KNDC1: variants seen among roughly 807,000 people sequenced by gnomAD.
The protein encoded by KNDC1 is kinase non-catalytic C-lobe domain containing 1.
In KNDC1, 106 loss-of-function variants were observed where a neutral mutation model predicts 172.8. That is an observed-to-expected ratio of 0.61 (90% CI 0.52 to 0.72). The LOEUF is 0.72. Ranked by LOEUF, KNDC1 falls within the 30% of genes least tolerant of loss-of-function variation. The pLI is 0.00. For synonymous variants in KNDC1, 1,083 were observed against 1,062.2 expected, an observed-to-expected ratio of 1.02 and a Z score of -0.38; for missense variants, 2,325 against 2,394.5, an observed-to-expected ratio of 0.97 and a Z score of 0.61.
chr10:133,167,341 G>T, intron 1 of KNDC1, 40 bp from the exon 2 acceptor site: 1 of 1,528,180 alleles, frequency 6.5e-7, no homozygotes. Flanking sequence ...GGCCTGGCTG[G>T]GGGTCCTGCC....
At position 133,189,667 on chromosome 10, in the gene KNDC1, A is replaced by G. The variant is rs1340288336; in HGVS notation, c.1511A>G (p.Asn504Ser). The part of the protein sequence containing the change: ...GAVLFQPPPA[N>S]GSYDSFFLAP... ...GTGCTCTTCCAGCCACCCCCTGCCA[A>G]CGGTGAGTGTGTGGGTTCCCCTCAG... Residue 504 changes from asparagine (N) to serine (S), a missense_variant and splice_region_variant, in exon 8 of 30, where the codon AAC (asparagine) becomes AGC (serine). Asn to Ser is a conservative substitution (Grantham distance 46). Transcript: ENST00000304613. The G allele has an allele frequency of 1.1e-5, 18 of 1,613,834 alleles. No homozygotes were observed. In the East Asian group the frequency reaches 3.6e-4, roughly 32 times the overall value.
chr10:133,165,934 C>T (rs1254949278), intron 1 of KNDC1, among the ~76,000 whole-genome samples: 2 of 152,206 alleles, frequency 1.3e-5, no homozygotes, highest in African/African-American at 4.8e-5. Flanking sequence ...CAAGCCCCTC[C>T]CTGGACCGCA....
At chr10:133,184,877 G>A (rs1167332409) in intron 5 of KNDC1, among the ~76,000 whole-genome samples, 2 of 152,268 alleles carry the variant, frequency 1.3e-5, no homozygotes, top group African/African-American at 4.8e-5. Flanking sequence ...TTTCACAACT[G>A]AATTTCACCT....
intron 5 of KNDC1, among the ~76,000 whole-genome samples, chr10:133,185,763 G>A (rs1398068641): frequency 6.8e-6 from 1 of 147,468 alleles, no homozygotes; most frequent in Non-Finnish European, 1.5e-5. Flanking sequence ...GACCTGATGA[G>A]TGGGGCAGGA....
rs764840318 is a variant in KNDC1 at position 133,200,451 on chromosome 10, C to T, written c.2980C>T (p.His994Tyr). The T allele has an allele frequency of 1.3e-6, 2 of 1,582,054 alleles. No individual in the cohort carries two copies. The highest frequency in any genetic ancestry group is 1.2e-5 in the South Asian group (1 of 86,560). Residue 994 changes from histidine (H) to tyrosine (Y), a missense_variant, in exon 16 of 30, where the codon CAC becomes TAC. Coordinates refer to ENST00000304613, the MANE Select transcript of KNDC1 (RefSeq NM_152643.8). The stretch of plus-strand genomic sequence containing the variant: ...CCCGTCCAGCAAGAGGCCGTCGCTG[C>T]ACCGCCTGGGTAAGTGCTGGGCGGG... ...RSPSSKRPSL[H>Y]RLGKEKPAMA...
chr10:133,194,825 T>C (rs1213294526), intron 9 of KNDC1, among the ~76,000 whole-genome samples: 1 of 152,226 alleles, frequency 6.6e-6, no homozygotes, highest in Non-Finnish European at 1.5e-5. Context: ...ACGTGGATGA[T>C]GTGATTAAAC....
chr10:133,188,709 A>T lies in KNDC1; in HGVS notation c.1441+56A>T, dbSNP rs1399096411. The T allele has an allele frequency of 6.8e-5, 36 of 529,330 alleles. No homozygotes were observed. The Admixed American group carries it at 1.3e-3, about 19-fold the overall frequency. 32.8% of individuals were successfully genotyped at this position (529,330 alleles called of 1,614,324 possible). On this transcript the variant is annotated intron_variant, in intron 7 of 29. Transcript: ENST00000304613. ...CGTCCCCACCCCCCACTGCTGTTCC[A>T]CCCCCCACCGCCGTCCCACACCCCC...
chr10:133,211,800 A>C lies in KNDC1; in HGVS notation c.4178A>C (p.Asp1393Ala), dbSNP rs1431928817. The C allele has an allele frequency of 6.2e-7, 1 of 1,610,226 alleles. No individual in the cohort carries two copies. The highest frequency in any genetic ancestry group is 1.3e-5 in the African/African-American group (1 of 74,756). The change falls in exon 23 of 30, where the codon GAT becomes GCT. Residue 1393 changes from aspartate to alanine, a missense_variant. Asp to Ala is a moderately radical substitution (Grantham distance 126). Coordinates refer to ENST00000304613, the MANE Select transcript of KNDC1 (RefSeq NM_152643.8). ...DLENPREAEE[D>A]ARPFNALCKR... Reference sequence around the variant, plus strand: ...GAGAACCCCAGGGAGGCCGAGGAGGATGCCAGACCCTTCAACGCCCTCTGT... The same window carrying C: ...GAGAACCCCAGGGAGGCCGAGGAGGCTGCCAGACCCTTCAACGCCCTCTGT...
intron 10 of KNDC1, 67 bp downstream of exon 10, chr10:133,195,888 G>A (rs1342216048): frequency 7.1e-7 from 1 of 1,408,494 alleles, no homozygotes; most frequent in Non-Finnish European, 9.4e-7. Context: ...CGCCCTCGCT[G>A]AGCTGGGGGT....
Position 133,212,936 on chromosome 10 carries a change from G to A in KNDC1, c.4443+14G>A. ...CTGCTACAGCAGGTGAGGAGGGCGAGGATCTGCGCCCAGGTCACCTGCGAG... is the reference window on the plus strand; with the variant it reads ...CTGCTACAGCAGGTGAGGAGGGCGAAGATCTGCGCCCAGGTCACCTGCGAG... On this transcript the variant is annotated intron_variant, in intron 24 of 29. Coordinates refer to ENST00000304613, the MANE Select transcript of KNDC1 (RefSeq NM_152643.8). 4.4e-6 allele frequency: 7 copies of A among 1,603,160 alleles called. No individual in the cohort carries two copies. Among genetic ancestry groups the A allele is most frequent in the Non-Finnish European group, 6.0e-6 (7 of 1,172,448 alleles).
chr10:133,169,351 T>C (rs1194858612), intron 3 of KNDC1, among the ~76,000 whole-genome samples: 1 of 152,162 alleles, frequency 6.6e-6, no homozygotes, highest in Non-Finnish European at 1.5e-5. Flanking sequence ...TCCCAGCTAC[T>C]CGGGAGTCTG....
chr10:133,199,680 C>A, intron 15 of KNDC1, 78 bp downstream of exon 15: 1 of 1,491,512 alleles, frequency 6.7e-7, no homozygotes. Flanking sequence ...CTGACCCGGG[C>A]CCAGCCTTCC....
rs1314233654 is a variant in KNDC1 at position 133,197,675 on chromosome 10, G to T, written c.1813G>T (p.Val605Leu). 6.2e-7 allele frequency: 1 copy of T among 1,611,264 alleles called. No individual in the cohort carries two copies. The highest frequency in any genetic ancestry group is 2.2e-5 in the East Asian group (1 of 44,858). ...CCCAGGGCTGTCACCTCCTCCCCAG[G>T]TGTACCAGGAGGAAGAGACCATCAG... is the stretch of plus-strand genomic sequence containing the variant. Reference protein sequence around the residue: ...LAHLRASICQVYQEEETISLQ... With the variant: ...LAHLRASICQLYQEEETISLQ... Residue 605 changes from valine to leucine, a missense_variant and splice_region_variant, in exon 12 of 30, where the codon GTG becomes TTG. By Grantham distance (32) the Val-to-Leu change is conservative. Transcript: ENST00000304613.
chr10:133,183,836 T>C, intron 4 of KNDC1, 36 bp from the exon 5 acceptor site: 3 of 1,491,670 alleles, frequency 2.0e-6, no homozygotes, highest in Non-Finnish European at 1.8e-6. Flanking sequence ...TGGCCCCTCC[T>C]CCGAGCCTTC....
At position 133,167,511 on chromosome 10, in the gene KNDC1, T is replaced by G; in HGVS notation, c.233T>G (p.Leu78Arg). Residue 78 changes from leucine to arginine, a missense_variant, in exon 2 of 30, where the codon CTG becomes CGG. By Grantham distance (102) the Leu-to-Arg change is moderately radical. Coordinates refer to ENST00000304613, the MANE Select transcript of KNDC1 (RefSeq NM_152643.8). ...SVAHAAIFQS[L>R]CITPDTLAFN... ...GCCCACGCCGCCATCTTCCAGAGCC[T>G]GTGCATCACGCCCGACACCCTGGCC... is the stretch of plus-strand genomic sequence containing the variant. 6.2e-7 allele frequency: 1 copy of G among 1,605,542 alleles called. No individual in the cohort carries two copies.
Position 133,224,946 on chromosome 10 carries a change from C to A in KNDC1, c.*56C>A. On this transcript the variant is annotated 3_prime_UTR_variant, in exon 30 of 30. Coordinates refer to ENST00000304613, the MANE Select transcript of KNDC1 (RefSeq NM_152643.8). The surrounding 1 kb of genome is among the most constrained non-coding windows in gnomAD (Gnocchi z 5.4). The stretch of plus-strand genomic sequence containing the variant: ...TCCGAATCCGACTGTGGGGGGCGGG[C>A]TGGGAGGTGGGAGCCGCGTCTCAGG... 7.0e-7 allele frequency: 1 copy of A among 1,427,632 alleles called. No individual in the cohort carries two copies. The highest frequency in any genetic ancestry group is 9.8e-7 in the Non-Finnish European group (1 of 1,022,954). The allele number at this position is 1,427,632 out of a possible 1,614,324, so 88.4% of individuals were successfully genotyped here.
At chr10:133,211,023 C>T (rs992812080) in intron 21 of KNDC1, among the ~76,000 whole-genome samples, 2 of 151,984 alleles carry the variant, frequency 1.3e-5, no homozygotes, top group African/African-American at 4.8e-5. Flanking sequence ...GGTGGGCAGG[C>T]AGTGAGAGCC....
intron 28 of KNDC1, 151 bp downstream of exon 28, chr10:133,219,241 C>G (rs764969745): frequency 6.4e-5 from 58 of 903,154 alleles, no homozygotes; most frequent in Non-Finnish European, 9.6e-5. Context: ...GCCTTGGAGT[C>G]ATCTCCCGGC....
chr10:133,218,697 C>A, intron 26 of KNDC1, 134 bp from the exon 27 acceptor site: 1 of 1,193,606 alleles, frequency 8.4e-7, no homozygotes, highest in Non-Finnish European at 1.2e-6. Context: ...GTCCACACAG[C>A]CGCTTCCTTT....
Sources: allele counts gnomAD v4.1 joint callset (sites outside exome capture counted in the v4.1 genomes callset), GRCh38; gene constraint gnomAD v4.1.1; non-coding constraint Gnocchi (gnomAD v3.1); transcripts MANE v1.5; gene names NCBI Gene and HGNC (gene_info 2026-07-23, HGNC 2026-07-21).